NCBP1: variants seen among roughly 807,000 people sequenced by gnomAD.
The protein encoded by NCBP1 is nuclear cap-binding protein subunit 1.
A neutral mutation model predicts 111.7 loss-of-function variants in NCBP1; 16 were observed. The observed-to-expected ratio is 0.14, with a 90% CI of 0.10 to 0.22. The LOEUF is 0.22. Ranked by LOEUF, NCBP1 falls within the 10% of genes least tolerant of loss-of-function variation. The probability of loss-of-function intolerance (pLI) is 1.00; values close to 1 mark genes in which losing one functional copy is unlikely to be tolerated. For synonymous variants in NCBP1, 304 were observed against 314.3 expected (o/e 0.97, Z 0.35); for missense variants, 607 against 957.5 (o/e 0.63, Z 4.83).
chr9:97,640,318 G>A (rs894870911), intron 1 of NCBP1, among the ~76,000 whole-genome samples: 35 of 151,996 alleles, frequency 2.3e-4, no homozygotes, highest in African/African-American at 8.0e-4. Context: ...CAAAGCATTC[G>A]ACTTGGTTTT....
Position 97,666,839 on chromosome 9 carries a change from G to C in NCBP1, c.1978G>C (p.Glu660Gln). ...KHVLKIQKEL[E>Q]EAKEKLARQH... is the part of the protein sequence containing the mutation. ...TGTCCTGAAGATCCAGAAAGAGCTG[G>C]AAGAAGCTAAAGAGAAACTTGCTAG... Residue 660 changes from glutamate to glutamine, a missense_variant, in exon 20 of 23, where the codon GAA becomes CAA. Glu to Gln is a conservative substitution (Grantham distance 29). This residue lies in a region of NCBP1 where 282 missense variants were observed against 376.5 expected (regional missense o/e 0.75). Coordinates refer to ENST00000375147, the MANE Select transcript of NCBP1 (RefSeq NM_002486.5). The C allele has an allele frequency of 6.2e-7, 1 of 1,610,278 alleles. No individual in the cohort carries two copies. The highest frequency in any genetic ancestry group is 1.1e-5 in the South Asian group (1 of 90,012).
At chr9:97,662,381 A>G (rs1386271739) in intron 17 of NCBP1, among the ~76,000 whole-genome samples, 1 of 152,206 alleles carries the variant, frequency 6.6e-6, no homozygotes, top group Non-Finnish European at 1.5e-5. Context: ...CATTTAAAGA[A>G]ACTAGTGAAA....
chr9:97,655,957 G>A, intron 13 of NCBP1, 54 bp from the exon 14 acceptor site: 1 of 1,497,986 alleles, frequency 6.7e-7, no homozygotes, highest in East Asian at 2.3e-5. Context: ...TAGTACAAAT[G>A]GGTGTAAGTG....
intron 20 of NCBP1, among the ~76,000 whole-genome samples, chr9:97,668,526 G>C (rs1351786526): frequency 6.6e-6 from 1 of 152,140 alleles, no homozygotes; most frequent in African/African-American, 2.4e-5. Context: ...TTAGCAAGCT[G>C]TCTCCCTGTT....
chr9:97,666,805 G>A lies in NCBP1; in HGVS notation c.1944G>A (p.Met648Ile), dbSNP rs1307706380. 1 of 1,609,668 alleles carries A rather than the reference G, an allele frequency of 6.2e-7. No homozygotes were observed. Among genetic ancestry groups the A allele is most frequent in the Non-Finnish European group, 8.5e-7 (1 of 1,178,580 alleles). ...TTTTGCACTCTACAATTCGTAAGAT[G>A]AACAAACATGTCCTGAAGATCCAGA... ...WEILHSTIRK[M>I]NKHVLKIQKE... Residue 648 changes from methionine (M) to isoleucine (I), a missense_variant, in exon 20 of 23, where the codon ATG (methionine) becomes ATA (isoleucine). Met to Ile is a conservative substitution (Grantham distance 10). Around this residue, in one of 9 missense-constraint regions of NCBP1, gnomAD observed 282 missense variants for 376.5 expected, o/e 0.75. Coordinates refer to ENST00000375147, the MANE Select transcript of NCBP1 (RefSeq NM_002486.5).
intron 12 of NCBP1, 65 bp downstream of exon 12, chr9:97,655,009 AT>A: frequency 3.9e-6 from 5 of 1,287,500 alleles, no homozygotes. Context: ...TCATAAAGGA[AT>A]TTGAGAAAGA....
intron 8 of NCBP1, among the ~76,000 whole-genome samples, chr9:97,649,480 G>A (rs995872091): frequency 6.6e-6 from 1 of 152,038 alleles, no homozygotes; most frequent in South Asian, 2.1e-4. Context: ...AGTCAAATTT[G>A]AGTTTCTTCT....
chr9:97,647,120 G>T (rs1003631104), intron 6 of NCBP1, among the ~76,000 whole-genome samples: 6 of 152,056 alleles, frequency 3.9e-5, no homozygotes, highest in Admixed American at 1.3e-4. Flanking sequence ...CAATGTTTCA[G>T]TGAATATCTT....
chr9:97,664,500 C>G (rs971170603), intron 19 of NCBP1, 57 bp downstream of exon 19: 2 of 1,151,398 alleles, frequency 1.7e-6, no homozygotes, highest in Admixed American at 3.7e-5. Context: ...TATGTGTGGT[C>G]TCTTATACAT....
At chr9:97,670,107 G>A (rs1360061785) in intron 22 of NCBP1, 1 of 320,812 alleles carries the variant, frequency 3.1e-6, no homozygotes, top group Non-Finnish European at 6.2e-6. Context: ...ATTTTTAGTA[G>A]GGACAGAGTT....
intron 15 of NCBP1, among the ~76,000 whole-genome samples, chr9:97,659,340 C>T (rs181562122): frequency 1.0e-3 from 154 of 152,296 alleles, no homozygotes; most frequent in Middle Eastern, 3.4e-3. Flanking sequence ...AACACAGCCC[C>T]TCCATGATCC....
At chr9:97,634,818 T>A (rs554761177) in intron 1 of NCBP1, among the ~76,000 whole-genome samples, 2 of 152,240 alleles carry the variant, frequency 1.3e-5, no homozygotes, top group East Asian at 3.9e-4. Context: ...AACCAGAGGG[T>A]TTAGGTTCAA....
intron 8 of NCBP1, among the ~76,000 whole-genome samples, 166 bp downstream of exon 8, chr9:97,648,389 T>A (rs1028151993): frequency 2.6e-5 from 4 of 152,204 alleles, no homozygotes; most frequent in Non-Finnish European, 5.9e-5. Flanking sequence ...TGATATCACC[T>A]CATTATGCAA....
intron 15 of NCBP1, 90 bp from the exon 16 acceptor site, chr9:97,660,856 A>T (rs1420440443): frequency 2.0e-5 from 28 of 1,421,198 alleles, no homozygotes; most frequent in South Asian, 1.8e-4. Context: ...GGAAGAATTT[A>T]AAAAAAATTT....
At position 97,645,673 on chromosome 9, in the gene NCBP1, G is replaced by A. The variant is rs1379851521; in HGVS notation, c.552G>A (p.Leu184=). ...CTTTGCCCTGGGTTGGAAAGGAGTT[G>A]TACGAAAAGAAAGATGCAGAGATGG... ...LSSLPWVGKE[L]YEKKDAEMDR... Residue 184 remains leucine (L), a synonymous_variant, in exon 6 of 23, where the codon TTG becomes TTA. Transcript: ENST00000375147. 1 of 1,613,936 alleles carries A rather than the reference G, an allele frequency of 6.2e-7. No individual in the cohort carries two copies. Among genetic ancestry groups the A allele is most frequent in the Non-Finnish European group, 8.5e-7 (1 of 1,179,938 alleles).
chr9:97,659,150 T>C (rs1410097882), intron 15 of NCBP1, among the ~76,000 whole-genome samples: 1 of 152,276 alleles, frequency 6.6e-6, no homozygotes, highest in African/African-American at 2.4e-5. Flanking sequence ...ATTATGATTT[T>C]CTTACCTTTT....
At chr9:97,663,184 C>T (rs1408105457) in intron 18 of NCBP1, 137 bp downstream of exon 18, 2 of 660,752 alleles carry the variant, frequency 3.0e-6, no homozygotes, top group Non-Finnish European at 5.3e-6. Context: ...CTAATTCTTT[C>T]AGTGCTATGG....
chr9:97,662,202 G>A, intron 17 of NCBP1, 58 bp downstream of exon 17: 2 of 1,231,140 alleles, frequency 1.6e-6, no homozygotes, highest in African/African-American at 1.5e-5. Flanking sequence ...GTGAACACCA[G>A]TGGTATGGTA....
intron 11 of NCBP1, among the ~76,000 whole-genome samples, chr9:97,654,533 G>A (rs181669499): frequency 2.6e-5 from 4 of 151,302 alleles, no homozygotes; most frequent in East Asian, 3.9e-4. Flanking sequence ...CAGTAGACTT[G>A]CTTGTTGCAG....
Sources: allele counts gnomAD v4.1 joint callset (sites outside exome capture counted in the v4.1 genomes callset), GRCh38; gene constraint gnomAD v4.1.1; regional missense constraint gnomAD v4.1.1; transcripts MANE v1.5; gene names NCBI Gene and HGNC (gene_info 2026-07-23, HGNC 2026-07-21).